Variants in TBC1D10A observed in about 807,000 individuals in gnomAD.
TBC1D10A encodes EBP50-PDX interactor of 64 kDa.
TBC1D10A carries 24 observed loss-of-function variants against 52.9 expected under a neutral mutation model. That is an observed-to-expected ratio of 0.45 (90% CI 0.33 to 0.64). The LOEUF is 0.64. TBC1D10A is among the 30% of genes least tolerant of loss of function. The pLI, the probability that TBC1D10A is intolerant of heterozygous loss-of-function variation, is 0.02. For synonymous variants in TBC1D10A, 278 were observed against 282.9 expected, an observed-to-expected ratio of 0.98 and a Z score of 0.17; for missense variants, 602 against 687.9, an observed-to-expected ratio of 0.88 and a Z score of 1.40.
At position 30,292,565 on chromosome 22, in the gene TBC1D10A, TC is replaced by T; in HGVS notation, c.1336del (p.Glu446ArgfsTer53). The T allele has an allele frequency of 6.2e-7, 1 of 1,613,514 alleles. No individual in the cohort carries two copies. Among genetic ancestry groups the T allele is most frequent in the Non-Finnish European group, 8.5e-7 (1 of 1,179,830 alleles). ...RKQMKGRGQL[E>X]KPPAPNQAMV... ...GGCTTGATTTGGGGCTGGGGGCTTC[TC>T]CAGCTGCCCTCTCCCCTTCATCTGT... On this transcript the variant is annotated frameshift_variant, in exon 9 of 9. Coordinates refer to ENST00000215790, the MANE Select transcript of TBC1D10A (RefSeq NM_031937.3). LOFTEE classifies it high-confidence loss of function.
At chr22:30,309,863 T>G (rs1930390585) in intron 1 of TBC1D10A, among the ~76,000 whole-genome samples, 1 of 152,212 alleles carries the variant, frequency 6.6e-6, no homozygotes, top group African/African-American at 2.4e-5. Flanking sequence ...TCTCAGCACC[T>G]CTGGCTAGGC....
rs1469082897 is a variant in TBC1D10A, at chr22:30,293,653, C to A, written c.1048G>T (p.Glu350Ter). The change falls in exon 8 of 9, where the codon GAG (glutamate) becomes TAG (stop). Residue 350 changes from glutamate (E) to a stop codon, truncating the protein, a stop_gained and splice_region_variant. Transcript: ENST00000215790. LOFTEE classifies it high-confidence loss of function. The part of the protein sequence containing the change: ...KIMQEAFLVQ[E>*]VVELPVTERQ... ...TAAGGGGCAGGCATGGGCTGTACCT[C>A]CTGGACCAGAAAGGCCTCCTGCATG... The A allele has an allele frequency of 6.2e-7, 1 of 1,607,730 alleles. No individual in the cohort carries two copies.
At chr22:30,312,041 C>A (rs528207248) in intron 1 of TBC1D10A, among the ~76,000 whole-genome samples, 1 of 152,226 alleles carries the variant, frequency 6.6e-6, no homozygotes, top group Admixed American at 6.5e-5. Flanking sequence ...GATCTGCCTG[C>A]ATCAGCCTCC....
intron 1 of TBC1D10A, among the ~76,000 whole-genome samples, chr22:30,313,550 ATTTTTTTTTTTTTTTTTTTT>A (rs35640957): frequency 7.1e-5 from 3 of 42,200 alleles, no homozygotes; most frequent in African/African-American, 3.7e-4. Context: ...CGGCCAGCTA[ATTTTTTTTTTTTTTTTTTTT>A]TTTTTTTTTT....
At chr22:30,320,355 G>T (rs1209082328) in intron 1 of TBC1D10A, among the ~76,000 whole-genome samples, 1 of 152,028 alleles carries the variant, frequency 6.6e-6, no homozygotes, top group African/African-American at 2.4e-5. Flanking sequence ...CATACTGGAA[G>T]GGGGAGGTAG....
chr22:30,323,945 T>G (rs1930712245), intron 1 of TBC1D10A, among the ~76,000 whole-genome samples: 1 of 149,906 alleles, frequency 6.7e-6, no homozygotes, highest in Admixed American at 6.7e-5. Context: ...CACTCCAGCC[T>G]GGGTGACAGA....
At chr22:30,323,580 C>T (rs1930703207) in intron 1 of TBC1D10A, among the ~76,000 whole-genome samples, 1 of 152,206 alleles carries the variant, frequency 6.6e-6, no homozygotes, top group Non-Finnish European at 1.5e-5. Flanking sequence ...AGTTCTGCCA[C>T]TAATATGCTG....
At chr22:30,301,124 G>A (rs952554879) in intron 2 of TBC1D10A, among the ~76,000 whole-genome samples, 9 of 152,170 alleles carry the variant, frequency 5.9e-5, no homozygotes, top group Non-Finnish European at 8.8e-5. Context: ...TAGCTGCACC[G>A]CACAGGCTGG....
chr22:30,311,543 G>A (rs1930425628), intron 1 of TBC1D10A, among the ~76,000 whole-genome samples: 2 of 152,146 alleles, frequency 1.3e-5, no homozygotes, highest in Non-Finnish European at 2.9e-5. Flanking sequence ...CCCTGGCTCT[G>A]CTCCTTCTAG....
At chr22:30,315,889 C>G (rs1375942397) in intron 1 of TBC1D10A, among the ~76,000 whole-genome samples, 1 of 152,128 alleles carries the variant, frequency 6.6e-6, no homozygotes, top group Non-Finnish European at 1.5e-5. Context: ...GGGCTGAAGT[C>G]CTAAGACTGG....
In TBC1D10A at chr22:30,292,023, C is replaced by A. The variant is rs1929952845; in HGVS notation, c.*352G>T. ...CAAGGCTGTTTATTTCTGTACAAAA[C>A]CATGTTTCTATTTTACACAAAGAAC... On this transcript the variant is annotated 3_prime_UTR_variant, in exon 9 of 9. Coordinates refer to ENST00000215790, the MANE Select transcript of TBC1D10A (RefSeq NM_031937.3). The A allele has an allele frequency of 8.5e-6, 2 of 235,142 alleles. No homozygotes were observed. The highest frequency in any genetic ancestry group is 1.5e-4 in the South Asian group (1 of 6,592). The allele number at this position is 235,142 out of a possible 1,614,324, so 14.6% of individuals were successfully genotyped here.
At chr22:30,322,388 G>A (rs976647817) in intron 1 of TBC1D10A, among the ~76,000 whole-genome samples, 1 of 152,090 alleles carries the variant, frequency 6.6e-6, no homozygotes, top group Non-Finnish European at 1.5e-5. Flanking sequence ...TTACTGGCAA[G>A]CTGCTTTCTT....
At chr22:30,293,866 G>T in intron 7 of TBC1D10A, 55 bp downstream of exon 7, 1 of 1,602,324 alleles carries the variant, frequency 6.2e-7, no homozygotes, top group Non-Finnish European at 8.5e-7. Flanking sequence ...GCAAAGAGAG[G>T]CCCCACTGTG....
chr22:30,295,190 C>G lies in TBC1D10A; in HGVS notation c.525-135G>C, dbSNP rs565178961. The G allele has an allele frequency of 4.1e-5, 34 of 825,704 alleles. No homozygotes were observed. In the African/African-American group the frequency reaches 5.4e-4, roughly 13 times the overall value. 51.1% of individuals were successfully genotyped at this position (825,704 alleles called of 1,614,324 possible). A position where few individuals can be genotyped will look rare whatever the true frequency, so the allele number is the denominator to read the frequency against. ...AGGGAAGGTGATCTGCTTGTGGTCA[C>G]CAAGGGGTCAGTCTCCTACTGGAGC... On this transcript the variant is annotated intron_variant, in intron 4 of 8. Coordinates refer to ENST00000215790, the MANE Select transcript of TBC1D10A (RefSeq NM_031937.3).
chr22:30,321,771 A>T (rs1930657033), intron 1 of TBC1D10A, among the ~76,000 whole-genome samples: 1 of 152,134 alleles, frequency 6.6e-6, no homozygotes, highest in African/African-American at 2.4e-5. Flanking sequence ...GAAGAAGGTC[A>T]GGGACCACCT....
At chr22:30,314,403 T>C (rs959737954) in intron 1 of TBC1D10A, among the ~76,000 whole-genome samples, 1 of 152,218 alleles carries the variant, frequency 6.6e-6, no homozygotes, top group Admixed American at 6.5e-5. Flanking sequence ...AACGAGGTGA[T>C]GTAGGTGAAA....
At chr22:30,299,347 T>C (rs1930151523) in intron 3 of TBC1D10A, 97 bp downstream of exon 3, 1 of 1,227,468 alleles carries the variant, frequency 8.1e-7, no homozygotes, top group Non-Finnish European at 1.2e-6. Context: ...GGACTGCTCA[T>C]CCTGTGAGGT....
chr22:30,293,185 C>A (rs1929989837), intron 8 of TBC1D10A: 2 of 640,814 alleles, frequency 3.1e-6, no homozygotes, highest in Admixed American at 2.1e-5. Context: ...CCCAGGGCAG[C>A]CTGGCTGCTT....
In TBC1D10A at chr22:30,292,203, T is replaced by TCAGGCAGAATCTGTGTTGGAC. The variant is rs1189032153; in HGVS notation, c.*151_*171dup. The TCAGGCAGAATCTGTGTTGGAC allele has an allele frequency of 1.3e-4, 73 of 569,844 alleles. No homozygotes were observed. The East Asian group carries it at 2.1e-3, about 16-fold the overall frequency. 35.3% of individuals were successfully genotyped at this position (569,844 alleles called of 1,614,324 possible). A position where few individuals can be genotyped will look rare whatever the true frequency, so the allele number is the denominator to read the frequency against. Reference sequence around the variant, plus strand: ...CTGTAAAGAAAATAAATAAGGAGGCTCAGGCAGAATCTGTGTTGGACCAGG... The same window carrying TCAGGCAGAATCTGTGTTGGAC: ...CTGTAAAGAAAATAAATAAGGAGGCTCAGGCAGAATCTGTGTTGGACCAGGCAGAATCTGTGTTGGACCAGG... On this transcript the variant is annotated 3_prime_UTR_variant, in exon 9 of 9. Transcript: ENST00000215790.
Sources: allele counts gnomAD v4.1 joint callset (sites outside exome capture counted in the v4.1 genomes callset), GRCh38; gene constraint gnomAD v4.1.1; transcripts MANE v1.5; gene names NCBI Gene and HGNC (gene_info 2026-07-23, HGNC 2026-07-21).